The following ANKRD13C variants were observed in gnomAD, a reference collection of about 807,000 sequenced individuals.
ANKRD13C encodes the protein ankyrin repeat domain-containing protein 13C.
A neutral mutation model predicts 65.5 loss-of-function variants in ANKRD13C; 16 were observed. That is an observed-to-expected ratio of 0.24 (90% CI 0.17 to 0.37). The LOEUF is 0.37. Ranked by LOEUF, ANKRD13C falls within the 10% of genes least tolerant of loss-of-function variation. The pLI, the probability that ANKRD13C is intolerant of heterozygous loss-of-function variation, is 1.00. For synonymous variants in ANKRD13C, 235 were observed against 238.7 expected (o/e 0.98, Z 0.14); for missense variants, 503 against 655.9 (o/e 0.77, Z 2.55).
rs574469596 is a variant in ANKRD13C at position 70,261,836 on chromosome 1, G to T, written c.*881C>A. The T allele has an allele frequency of 6.6e-6, 1 of 152,334 alleles. No homozygotes were observed. The highest frequency in any genetic ancestry group is 1.5e-5 in the Non-Finnish European group (1 of 67,910). The allele number at this position is 152,334 out of a possible 1,614,324, so 9.4% of individuals were successfully genotyped here. On this transcript the variant is annotated 3_prime_UTR_variant, in exon 13 of 13. Coordinates refer to ENST00000370944, the MANE Select transcript of ANKRD13C (RefSeq NM_030816.5). ...AATCAGACCGATGTGTACTTATTAG[G>T]AAGCAAGTTTAAAAATTTGGATTTT...
At chr1:70,327,075 C>T (rs1681576454) in intron 2 of ANKRD13C, among the ~76,000 whole-genome samples, 1 of 151,976 alleles carries the variant, frequency 6.6e-6, no homozygotes, top group African/African-American at 2.4e-5. Context: ...AAGCTTTATG[C>T]TGGGAATAGG....
Position 70,354,043 on chromosome 1 carries a change from C to A in ANKRD13C, c.366G>T (p.Lys122Asn), listed in dbSNP as rs1471664242. The A allele has an allele frequency of 4.4e-6, 7 of 1,586,822 alleles. No homozygotes were observed. The highest frequency in any genetic ancestry group is 6.0e-6 in the Non-Finnish European group (7 of 1,165,738). The change falls in exon 1 of 13, where the codon AAG becomes AAT. Residue 122 changes from lysine to asparagine, a missense_variant. Coordinates refer to ENST00000370944, the MANE Select transcript of ANKRD13C (RefSeq NM_030816.5). The part of the protein sequence containing the change: ...AHYPVHECVF[K>N]GDVRRLSSLI... ...GAGAGGAGAGTCTCCTCACATCCCC[C>A]TTGAAGACGCACTCGTGCACCGGGT...
intron 3 of ANKRD13C, among the ~76,000 whole-genome samples, chr1:70,324,536 T>C (rs1572138449): frequency 6.6e-6 from 1 of 152,164 alleles, no homozygotes; most frequent in Non-Finnish European, 1.5e-5. Flanking sequence ...AATTAAGCAG[T>C]TGCCAAAAAG....
chr1:70,262,942 GT>G (rs1678447311), intron 12 of ANKRD13C, 95 bp from the exon 13 acceptor site: 2 of 315,446 alleles, frequency 6.3e-6, no homozygotes, highest in African/African-American at 8.1e-5. Flanking sequence ...TCCTTAAAAT[GT>G]AAAAAAAAAA....
At chr1:70,273,918 A>C (rs1679008521) in intron 11 of ANKRD13C, among the ~76,000 whole-genome samples, 1 of 151,946 alleles carries the variant, frequency 6.6e-6, no homozygotes, top group Non-Finnish European at 1.5e-5. Flanking sequence ...GGCCTCCCAA[A>C]GTACTGGGAT....
At position 70,354,036 on chromosome 1, in the gene ANKRD13C, C is replaced by T. The variant is rs1682876153; in HGVS notation, c.373G>A (p.Val125Met). The change falls in exon 1 of 13, where the codon GTG becomes ATG. Residue 125 changes from valine (V) to methionine (M), a missense_variant. Val to Met is a conservative substitution (Grantham distance 21). Around this residue, in one of 2 missense-constraint regions of ANKRD13C, gnomAD observed 203 missense variants for 177.6 expected, o/e 1.14. Transcript: ENST00000370944. ...PVHECVFKGD[V>M]RRLSSLIRTH... ...CGGATGAGAGAGGAGAGTCTCCTCACATCCCCCTTGAAGACGCACTCGTGC... is the reference window on the plus strand; with the variant it reads ...CGGATGAGAGAGGAGAGTCTCCTCATATCCCCCTTGAAGACGCACTCGTGC... 6.3e-7 allele frequency: 1 copy of T among 1,578,590 alleles called. No individual in the cohort carries two copies. The highest frequency in any genetic ancestry group is 1.2e-5 in the South Asian group (1 of 85,322).
chr1:70,313,705 A>C (rs377183589), intron 5 of ANKRD13C, 40 bp downstream of exon 5: 17 of 1,455,926 alleles, frequency 1.2e-5, no homozygotes, highest in African/African-American at 4.2e-5. Context: ...GCATTTCTGC[A>C]TAAGTACATA....
intron 5 of ANKRD13C, among the ~76,000 whole-genome samples, chr1:70,313,226 A>T (rs545146689): frequency 6.6e-6 from 1 of 152,124 alleles, no homozygotes; most frequent in Non-Finnish European, 1.5e-5. Context: ...GCCATTTTCA[A>T]CCTTAAAAAT....
At chr1:70,297,769 C>T (rs1425079110) in intron 7 of ANKRD13C, among the ~76,000 whole-genome samples, 3 of 150,370 alleles carry the variant, frequency 2.0e-5, no homozygotes, top group African/African-American at 4.9e-5. Context: ...AAAAATTAGC[C>T]GGGCATGGTG....
At chr1:70,352,339 C>CAA (rs397965041) in intron 1 of ANKRD13C, among the ~76,000 whole-genome samples, 8,875 of 59,988 alleles carry the variant, frequency 0.15, 837 homozygotes, top group Non-Finnish European at 0.22. Flanking sequence ...GACTCCGTCT[C>CAA]AAAAAAAAAA....
chr1:70,310,411 A>C (rs567534548), intron 5 of ANKRD13C, among the ~76,000 whole-genome samples: 116 of 152,338 alleles, frequency 7.6e-4, no homozygotes, highest in Middle Eastern at 6.8e-3. Context: ...ATGACATCTA[A>C]TCATCACGTA....
intron 2 of ANKRD13C, among the ~76,000 whole-genome samples, chr1:70,330,640 T>G (rs1327348083): frequency 7.3e-6 from 1 of 136,430 alleles, no homozygotes; most frequent in African/African-American, 2.8e-5. Flanking sequence ...CGATCAAATA[T>G]AGAGAGAACC....
chr1:70,298,491 A>G (rs1285670983), intron 7 of ANKRD13C, among the ~76,000 whole-genome samples: 1 of 152,212 alleles, frequency 6.6e-6, no homozygotes, highest in Non-Finnish European at 1.5e-5. Context: ...ACATATATGT[A>G]TGTATACATA....
chr1:70,272,163 C>CT (rs369467004), intron 11 of ANKRD13C, among the ~76,000 whole-genome samples: 8,713 of 139,048 alleles, frequency 0.063, 827 homozygotes, highest in African/African-American at 0.21. Context: ...AGGTAATTTT[C>CT]TTTTTTTTTT....
At chr1:70,294,041 T>C (rs917381318) in intron 8 of ANKRD13C, among the ~76,000 whole-genome samples, 1 of 152,184 alleles carries the variant, frequency 6.6e-6, no homozygotes, top group Non-Finnish European at 1.5e-5. Flanking sequence ...ATATCCATCA[T>C]ATAGAATACT....
At position 70,261,786 on chromosome 1, in the gene ANKRD13C, A is replaced by G. The variant is rs1678399124; in HGVS notation, c.*931T>C. On this transcript the variant is annotated 3_prime_UTR_variant, in exon 13 of 13. Transcript: ENST00000370944. Reference sequence around the variant, plus strand: ...TTTTAAAACTGACACCAATGCATCCATATTCTACTAAAAACAAACAAAATA... The same window carrying G: ...TTTTAAAACTGACACCAATGCATCCGTATTCTACTAAAAACAAACAAAATA... 1 of 152,580 alleles carries G rather than the reference A, an allele frequency of 6.6e-6. No homozygotes were observed. The highest frequency in any genetic ancestry group is 6.5e-5 in the Admixed American group (1 of 15,276). The allele number at this position is 152,580 out of a possible 1,614,324, so 9.5% of individuals were successfully genotyped here.
chr1:70,323,657 AT>A (rs1393837353), intron 3 of ANKRD13C, among the ~76,000 whole-genome samples: 1 of 151,296 alleles, frequency 6.6e-6, no homozygotes, highest in East Asian at 1.9e-4. Context: ...AAAAAAAAAA[AT>A]TTTTTTTGTT....
chr1:70,265,938 G>A (rs201769134), intron 12 of ANKRD13C, among the ~76,000 whole-genome samples: 11,377 of 143,120 alleles, frequency 0.079, 636 homozygotes, highest in East Asian at 0.29. Context: ...GGAAGGGAGG[G>A]AAGAAGGAAG....
chr1:70,269,371 A>G (rs1678779539), intron 12 of ANKRD13C, among the ~76,000 whole-genome samples: 2 of 152,216 alleles, frequency 1.3e-5, no homozygotes, highest in South Asian at 4.1e-4. Context: ...GGGTTTGTTT[A>G]GAACTTAAAA....
Sources: gnomAD v4.1 joint callset for allele counts (sites outside exome capture counted in the v4.1 genomes callset) on GRCh38, gnomAD v4.1.1 for gene constraint, gnomAD v4.1.1 regional missense constraint, MANE v1.5 for transcripts, NCBI Gene and HGNC (gene_info 2026-07-23, HGNC 2026-07-21) for gene names.